The following IMMP2L variants were observed in gnomAD, a reference collection of about 807,000 sequenced individuals.
IMMP2L encodes inner mitochondrial membrane peptidase subunit 2, also known as mitochondrial inner membrane protease subunit 2.
IMMP2L carries 18 observed loss-of-function variants against 19.3 expected under a neutral mutation model. That is an observed-to-expected ratio of 0.93 (90% CI 0.64 to 1.38). The LOEUF is 1.38. IMMP2L is among the 40% of genes most tolerant of loss of function. The pLI is 0.00. For missense variants in IMMP2L, 233 were observed against 218.2 expected, an observed-to-expected ratio of 1.07 and a Z score of -0.43; for synonymous variants, 76 against 73.0, an observed-to-expected ratio of 1.04 and a Z score of -0.21.
intron 5 of IMMP2L, among the ~76,000 whole-genome samples, chr7:110,744,786 G>T (rs35269709): frequency 6.6e-6 from 1 of 152,148 alleles, no homozygotes; most frequent in South Asian, 2.1e-4. Flanking sequence ...ATCCATGAAG[G>T]TGGGGAGAAA....
chr7:111,392,056 G>A (rs1219672942), intron 3 of IMMP2L: 3 of 697,324 alleles, frequency 4.3e-6, no homozygotes, highest in Non-Finnish European at 7.9e-6. Context: ...CAGCTTGATT[G>A]CATTTATATC....
intron 3 of IMMP2L, among the ~76,000 whole-genome samples, chr7:111,013,774 C>T (rs1233612418): frequency 1.3e-5 from 2 of 151,730 alleles, no homozygotes; most frequent in Admixed American, 6.6e-5. Flanking sequence ...ATCTTTTATT[C>T]GTTTAGTTTA....
At chr7:110,850,185 G>A (rs1806059991) in intron 5 of IMMP2L, among the ~76,000 whole-genome samples, 1 of 152,026 alleles carries the variant, frequency 6.6e-6, no homozygotes. Context: ...AGACTGGTAG[G>A]ACTTGTTTTC....
chr7:110,842,563 G>C (rs557448355), intron 5 of IMMP2L, among the ~76,000 whole-genome samples: 5 of 152,298 alleles, frequency 3.3e-5, no homozygotes, highest in African/African-American at 1.2e-4. Context: ...GCAGCTTATT[G>C]TGTTTTTAAC....
chr7:111,338,839 T>C lies in IMMP2L; in HGVS notation c.239+148399A>G, dbSNP rs936761630. On this transcript the variant is annotated intron_variant, in intron 3 of 5. Coordinates refer to ENST00000405709, the MANE Select transcript of IMMP2L (RefSeq NM_032549.4). ...CTTGTCCCTTTGCCCCAATATTGCA[T>C]GCATGTGCACATGCTTAAGATTTGC... is the stretch of plus-strand genomic sequence containing the variant. Among the ~76,000 whole-genome samples, 6 of 152,250 alleles carry C rather than the reference T, an allele frequency of 3.9e-5. No individual in the cohort carries two copies. In the South Asian group the frequency reaches 8.3e-4, roughly 21 times the overall value.
intron 3 of IMMP2L, among the ~76,000 whole-genome samples, chr7:111,372,613 T>C (rs1830353121): frequency 6.6e-6 from 1 of 151,970 alleles, no homozygotes; most frequent in African/African-American, 2.4e-5. Flanking sequence ...TCTGATGAGT[T>C]CTGTTCTTTT....
rs150893964 is a variant in IMMP2L, at chr7:111,140,115, A to G, written c.240-176550T>C. Among the ~76,000 whole-genome samples, 1,109 of 152,302 alleles carry G rather than the reference A, an allele frequency of 7.3e-3. 6 individuals carry two copies. Among genetic ancestry groups the G allele is most frequent in the Non-Finnish European group, 0.011 (744 of 68,016 alleles). On this transcript the variant is annotated intron_variant, in intron 3 of 5. Coordinates refer to ENST00000405709, the MANE Select transcript of IMMP2L (RefSeq NM_032549.4). ...CTAAAAACAGTGAGACATAAGAACT[A>G]AAAGGCAAGGGAAGAAAAAAGAGAC...
intron 3 of IMMP2L, among the ~76,000 whole-genome samples, chr7:111,085,798 T>C (rs969472908): frequency 1.3e-5 from 2 of 152,166 alleles, no homozygotes; most frequent in African/African-American, 4.8e-5. Flanking sequence ...AGGAATACTA[T>C]GCAGCCATTA....
At chr7:110,907,602 C>A (rs1812605719) in intron 4 of IMMP2L, among the ~76,000 whole-genome samples, 1 of 152,032 alleles carries the variant, frequency 6.6e-6, no homozygotes, top group South Asian at 2.1e-4. Flanking sequence ...GGCTTTGGGG[C>A]CCTCACTAGG....
At chr7:110,770,846 T>C (rs1798985998) in intron 5 of IMMP2L, among the ~76,000 whole-genome samples, 1 of 152,156 alleles carries the variant, frequency 6.6e-6, no homozygotes, top group Non-Finnish European at 1.5e-5. Flanking sequence ...GTGTAGCACA[T>C]GTCACTTTAT....
At chr7:110,858,938 A>G (rs1355557070) in intron 5 of IMMP2L, among the ~76,000 whole-genome samples, 4 of 152,058 alleles carry the variant, frequency 2.6e-5, no homozygotes, top group Non-Finnish European at 4.4e-5. Context: ...TGAATTCATC[A>G]TTTTTTGTGG....
In IMMP2L at chr7:110,722,735, C is replaced by G. The variant is rs897143365; in HGVS notation, c.409-59014G>C. ...ATTATTTCCAGTGAGGAAATCAAACCCTGGTTTAGAGGCCCTTCTTGTAAT... is the reference window on the plus strand; with the variant it reads ...ATTATTTCCAGTGAGGAAATCAAACGCTGGTTTAGAGGCCCTTCTTGTAAT... On this transcript the variant is annotated intron_variant, in intron 5 of 5. Transcript: ENST00000405709. Among the ~76,000 whole-genome samples, 5 of 151,976 alleles carry G rather than the reference C, an allele frequency of 3.3e-5. No homozygotes were observed. In the East Asian group the frequency reaches 5.8e-4, roughly 18 times the overall value.
At chr7:111,163,994 A>C (rs1805547744) in intron 3 of IMMP2L, among the ~76,000 whole-genome samples, 1 of 152,004 alleles carries the variant, frequency 6.6e-6, no homozygotes, top group Non-Finnish European at 1.5e-5. Flanking sequence ...TGTAAGAAGA[A>C]AGTACTATGC....
At chr7:111,228,891 T>C (rs1813399157) in intron 3 of IMMP2L, among the ~76,000 whole-genome samples, 1 of 151,924 alleles carries the variant, frequency 6.6e-6, no homozygotes, top group Non-Finnish European at 1.5e-5. Flanking sequence ...TAAAATAATT[T>C]ATACCTTTCA....
At chr7:111,405,806 C>T (rs1171249654) in intron 3 of IMMP2L, among the ~76,000 whole-genome samples, 3 of 151,980 alleles carry the variant, frequency 2.0e-5, no homozygotes, top group Non-Finnish European at 4.4e-5. Flanking sequence ...ACCTGCAGAC[C>T]AAATGTAGCT....
intron 4 of IMMP2L, among the ~76,000 whole-genome samples, chr7:110,915,123 A>G (rs1420455819): frequency 6.6e-6 from 1 of 152,218 alleles, no homozygotes; most frequent in Non-Finnish European, 1.5e-5. Context: ...CAGTATCTTA[A>G]GAGGTATCTG....
chr7:111,468,763 T>C (rs1405381761), intron 3 of IMMP2L, among the ~76,000 whole-genome samples: 3 of 152,070 alleles, frequency 2.0e-5, no homozygotes, highest in Non-Finnish European at 2.9e-5. Context: ...AAGAAAAATA[T>C]TCAATAGATA....
chr7:111,388,025 T>C (rs565464043), intron 3 of IMMP2L, among the ~76,000 whole-genome samples: 1 of 150,080 alleles, frequency 6.7e-6, no homozygotes, highest in Non-Finnish European at 1.5e-5. Flanking sequence ...ACCCCATTTT[T>C]AATAGAAATT....
chr7:110,975,064 A>G (rs1164824703), intron 3 of IMMP2L, among the ~76,000 whole-genome samples: 1 of 152,092 alleles, frequency 6.6e-6, no homozygotes, highest in African/African-American at 2.4e-5. Flanking sequence ...TTAACTTTTA[A>G]TATATACAAG....
Sources: gnomAD v4.1 joint callset for allele counts (sites outside exome capture counted in the v4.1 genomes callset) on GRCh38, gnomAD v4.1.1 for gene constraint, MANE v1.5 for transcripts, NCBI Gene and HGNC (gene_info 2026-07-23, HGNC 2026-07-21) for gene names.